Variants in NUMB observed in about 807,000 individuals in gnomAD.
NUMB encodes protein numb homolog.
Under a neutral mutation model 59.7 loss-of-function variants are expected in NUMB, and 29 were observed. That is an observed-to-expected ratio of 0.49 (90% CI 0.36 to 0.66). The LOEUF (loss-of-function observed/expected upper bound fraction) is 0.66. Among genes scored for constraint, NUMB ranks in the 30% least tolerant of loss-of-function variants. NUMB has a pLI of 0.00. For synonymous variants in NUMB, 288 were observed against 288.2 expected, an observed-to-expected ratio of 1.00 and a Z score of 0.01; for missense variants, 723 against 822.0, an observed-to-expected ratio of 0.88 and a Z score of 1.47.
rs560968562 is a variant in NUMB at position 73,401,248 on chromosome 14, A to C, written c.-101+8689T>G. On this transcript the variant is annotated intron_variant, in intron 2 of 12. Coordinates refer to ENST00000555238, the MANE Select transcript of NUMB (RefSeq NM_001005743.2). ...AGTTTGTATTGGTTTGATTTTTCTTATATCTCCTGTGTACTATTCTGGTAA... is the reference window on the plus strand; with the variant it reads ...AGTTTGTATTGGTTTGATTTTTCTTCTATCTCCTGTGTACTATTCTGGTAA... 7.9e-5 allele frequency among the ~76,000 whole-genome samples: 12 copies of C among 152,222 alleles called. 1 individual carries two copies. Among genetic ancestry groups the C allele is most frequent in the South Asian group, 6.2e-4 (3 of 4,826 alleles).
chr14:73,311,537 G>A (rs1419236918), intron 6 of NUMB, among the ~76,000 whole-genome samples: 1 of 152,134 alleles, frequency 6.6e-6, no homozygotes, highest in Non-Finnish European at 1.5e-5. Flanking sequence ...TGCAACAATA[G>A]GGAAGTGATG....
At chr14:73,347,883 G>A (rs1040800309) in intron 4 of NUMB, among the ~76,000 whole-genome samples, 1 of 152,048 alleles carries the variant, frequency 6.6e-6, no homozygotes, top group South Asian at 2.1e-4. Context: ...CGGTCAGTCC[G>A]CATCATTCAA....
At chr14:73,385,308 C>CTTTTTTTTTTTTT (rs1174960370) in intron 2 of NUMB, among the ~76,000 whole-genome samples, 3 of 112,298 alleles carry the variant, frequency 2.7e-5, no homozygotes, top group African/African-American at 6.5e-5. Flanking sequence ...CCAGTTAATT[C>CTTTTTTTTTTTTT]TTTTTTTTTT....
chr14:73,322,387 A>G (rs955697735), intron 5 of NUMB, among the ~76,000 whole-genome samples: 2 of 152,228 alleles, frequency 1.3e-5, no homozygotes, highest in African/African-American at 4.8e-5. Context: ...GGCAGAGGAA[A>G]CGTTATCCTG....
chr14:73,416,221 T>C lies in NUMB; in HGVS notation c.-232-6153A>G, dbSNP rs146463572. On this transcript the variant is annotated intron_variant, in intron 1 of 12. Coordinates refer to ENST00000555238, the MANE Select transcript of NUMB (RefSeq NM_001005743.2). ...ACTTAAGCACAACATACAAGCTTTA[T>C]TGAGACCTGCAAAACAACGAAATTT... Among the ~76,000 whole-genome samples, 15 of 152,320 alleles carry C rather than the reference T, an allele frequency of 9.8e-5. No homozygotes were observed. The East Asian group carries it at 2.5e-3, about 25-fold the overall frequency.
At chr14:73,431,713 C>A (rs1897838745) in intron 1 of NUMB, among the ~76,000 whole-genome samples, 1 of 151,912 alleles carries the variant, frequency 6.6e-6, no homozygotes, top group African/African-American at 2.4e-5. Context: ...CACGCCACTG[C>A]ACTCCAGCCT....
chr14:73,365,581 G>A (rs1894309269), intron 3 of NUMB, among the ~76,000 whole-genome samples: 1 of 151,448 alleles, frequency 6.6e-6, no homozygotes, highest in Non-Finnish European at 1.5e-5. Context: ...GACCAGCCTG[G>A]GCAACATAGC....
At chr14:73,325,889 G>A (rs887042135) in intron 4 of NUMB, among the ~76,000 whole-genome samples, 3 of 152,194 alleles carry the variant, frequency 2.0e-5, no homozygotes, top group African/African-American at 4.8e-5. Flanking sequence ...TAAGGCAGGG[G>A]GAACTGCCTC....
At chr14:73,334,998 T>C (rs971445606) in intron 4 of NUMB, among the ~76,000 whole-genome samples, 1 of 150,372 alleles carries the variant, frequency 6.7e-6, no homozygotes, top group Non-Finnish European at 1.5e-5. Context: ...TATTCACATA[T>C]CTTAATTTCT....
chr14:73,318,284 A>T (rs540508796), intron 5 of NUMB, among the ~76,000 whole-genome samples: 1 of 152,360 alleles, frequency 6.6e-6, no homozygotes, highest in East Asian at 1.9e-4. Context: ...TAAAATACCC[A>T]AGATGTTAAT....
intron 4 of NUMB, among the ~76,000 whole-genome samples, chr14:73,337,674 A>G (rs190736215): frequency 6.6e-6 from 1 of 152,340 alleles, no homozygotes; most frequent in African/African-American, 2.4e-5. Context: ...AGAAATTATA[A>G]AAATTCAAAT....
chr14:73,364,903 A>T (rs1343536335), intron 3 of NUMB, among the ~76,000 whole-genome samples: 1 of 152,182 alleles, frequency 6.6e-6, no homozygotes, highest in Non-Finnish European at 1.5e-5. Flanking sequence ...TAACACTTGC[A>T]CTGAATACTG....
intron 6 of NUMB, among the ~76,000 whole-genome samples, chr14:73,311,000 C>G (rs936468632): frequency 6.6e-6 from 1 of 152,054 alleles, no homozygotes; most frequent in Non-Finnish European, 1.5e-5. Context: ...ATGTAATAAT[C>G]CCTAAAAAGC....
At chr14:73,313,052 T>A (rs1290633733) in intron 6 of NUMB, among the ~76,000 whole-genome samples, 1 of 151,766 alleles carries the variant, frequency 6.6e-6, no homozygotes, top group Non-Finnish European at 1.5e-5. Context: ...AGTGGTGTGA[T>A]CTAGGCTCAC....
chr14:73,317,449 G>A (rs996481888), intron 5 of NUMB, among the ~76,000 whole-genome samples: 2 of 152,068 alleles, frequency 1.3e-5, no homozygotes, highest in Non-Finnish European at 2.9e-5. Context: ...CTACAGGTGT[G>A]CGCCACCACA....
At chr14:73,453,980 ATTTTTT>A (rs554717670) in intron 1 of NUMB, among the ~76,000 whole-genome samples, 1 of 151,616 alleles carries the variant, frequency 6.6e-6, no homozygotes, top group Non-Finnish European at 1.5e-5. Context: ...TAGCAAAAAA[ATTTTTT>A]TTTAATTTAA....
At chr14:73,377,570 G>A (rs1895012631) in intron 2 of NUMB, among the ~76,000 whole-genome samples, 1 of 152,314 alleles carries the variant, frequency 6.6e-6, no homozygotes, top group South Asian at 2.1e-4. Flanking sequence ...AACCCTGGAG[G>A]TGGAGGTTGC....
chr14:73,390,067 T>C (rs553679684), intron 2 of NUMB, among the ~76,000 whole-genome samples: 10 of 152,318 alleles, frequency 6.6e-5, no homozygotes, highest in East Asian at 3.9e-4. Context: ...AAATCCATAA[T>C]AGAAATATTT....
At chr14:73,288,301 C>A (rs1433579454) in intron 8 of NUMB, among the ~76,000 whole-genome samples, 1 of 152,086 alleles carries the variant, frequency 6.6e-6, no homozygotes, top group Non-Finnish European at 1.5e-5. Context: ...ACCTGTAATC[C>A]CAGCACTTTG....
Sources: allele counts gnomAD v4.1 joint callset (sites outside exome capture counted in the v4.1 genomes callset), GRCh38; gene constraint gnomAD v4.1.1; transcripts MANE v1.5; gene names NCBI Gene and HGNC (gene_info 2026-07-23, HGNC 2026-07-21).